RBFOX3: variants seen among roughly 807,000 people sequenced by gnomAD.
RBFOX3 encodes RNA binding protein fox-1 homolog 3.
In RBFOX3, 17 loss-of-function variants were observed where a neutral mutation model predicts 48.7. That is an observed-to-expected ratio of 0.35 (90% CI 0.24 to 0.52). The LOEUF (loss-of-function observed/expected upper bound fraction) is 0.52, where lower values mean the gene tolerates loss of function less well. Among genes scored for constraint, RBFOX3 ranks in the 20% least tolerant of loss-of-function variants. The pLI is 0.94. For synonymous variants in RBFOX3, 212 were observed against 209.5 expected (o/e 1.01, Z -0.10); for missense variants, 382 against 497.5 (o/e 0.77, Z 2.21).
At chr17:79,505,472 C>T (rs1299764307) in intron 1 of RBFOX3, among the ~76,000 whole-genome samples, 1 of 152,150 alleles carries the variant, frequency 6.6e-6, no homozygotes, top group African/African-American at 2.4e-5. Flanking sequence ...CCGCAGCAGA[C>T]CCTGGGCTGC....
rs192605414 is a variant in RBFOX3, at chr17:79,215,235, C to T, written c.-34+20531G>A. ...GCCCCAGACTGCATGCTGCCGCCCTCGTGCAGCTCTGAGCTGAGCCCAGCA... is the reference window on the plus strand; with the variant it reads ...GCCCCAGACTGCATGCTGCCGCCCTTGTGCAGCTCTGAGCTGAGCCCAGCA... On this transcript the variant is annotated intron_variant, in intron 4 of 14. Coordinates refer to ENST00000693108, the MANE Select transcript of RBFOX3 (RefSeq NM_001350451.2). Among the ~76,000 whole-genome samples the T allele has an allele frequency of 2.7e-3, 409 of 152,310 alleles. 4 individuals are homozygous for T. Among genetic ancestry groups the T allele is most frequent in the African/African-American group, 9.3e-3 (388 of 41,570 alleles).
chr17:79,366,358 C>T (rs1278205716), intron 2 of RBFOX3, among the ~76,000 whole-genome samples: 1 of 152,210 alleles, frequency 6.6e-6, no homozygotes, highest in Non-Finnish European at 1.5e-5. Flanking sequence ...CCGTGGCTGT[C>T]TCTATACTAA....
At chr17:79,306,539 C>T (rs1439818357) in intron 3 of RBFOX3, among the ~76,000 whole-genome samples, 1 of 152,230 alleles carries the variant, frequency 6.6e-6, no homozygotes. Flanking sequence ...CTAAACAATT[C>T]CTGCCGCAGC....
chr17:79,490,123 T>C (rs1285191408), intron 1 of RBFOX3, among the ~76,000 whole-genome samples: 1 of 152,238 alleles, frequency 6.6e-6, no homozygotes, highest in African/African-American at 2.4e-5. Context: ...ATCCTGTCTC[T>C]GGCAAAAATA....
At chr17:79,336,448 C>T (rs1356977976) in intron 2 of RBFOX3, among the ~76,000 whole-genome samples, 1 of 151,904 alleles carries the variant, frequency 6.6e-6, no homozygotes, top group African/African-American at 2.4e-5. Context: ...ATAAATCCCA[C>T]TGTTCCAGGT....
intron 2 of RBFOX3, among the ~76,000 whole-genome samples, chr17:79,463,712 T>TCCACCG (rs2075897446): frequency 9.4e-6 from 1 of 106,522 alleles, no homozygotes; most frequent in Non-Finnish European, 1.9e-5. Flanking sequence ...CACTGCCACC[T>TCCACCG]CCACCGCCAC....
chr17:79,093,791 C>CCCCACACACACA (rs112110060), intron 14 of RBFOX3, among the ~76,000 whole-genome samples: 9 of 143,822 alleles, frequency 6.3e-5, no homozygotes, highest in Admixed American at 2.1e-4. Flanking sequence ...CAACAGCTGG[C>CCCCACACACACA]CACACACACA....
At chr17:79,332,032 A>C (rs1006704389) in intron 2 of RBFOX3, among the ~76,000 whole-genome samples, 1 of 151,456 alleles carries the variant, frequency 6.6e-6, no homozygotes, top group African/African-American at 2.4e-5. Flanking sequence ...ACGTGTCCAG[A>C]CTCCTTGGGG....
chr17:79,454,758 C>A (rs940583167), intron 2 of RBFOX3, among the ~76,000 whole-genome samples: 6 of 152,208 alleles, frequency 3.9e-5, no homozygotes, highest in African/African-American at 1.4e-4. Flanking sequence ...GTGGCCCACT[C>A]CAGAAGCAGC....
intron 11 of RBFOX3, 109 bp downstream of exon 11, chr17:79,097,183 C>G (rs932197033): frequency 1.2e-5 from 11 of 891,536 alleles, no homozygotes; most frequent in Middle Eastern, 3.5e-4. Flanking sequence ...TCCCCCCCCC[C>G]AGGTCTGGAA....
chr17:79,405,799 G>A (rs2063467322), intron 2 of RBFOX3, among the ~76,000 whole-genome samples: 1 of 152,242 alleles, frequency 6.6e-6, no homozygotes, highest in Non-Finnish European at 1.5e-5. Flanking sequence ...CACCTGCCAA[G>A]ATGCAGACCA....
In RBFOX3 at chr17:79,460,636, C is replaced by A. The variant is rs4789897; in HGVS notation, c.-175+21818G>T. ...GCCACAGGATGTTGAGAAGTGGGGC[C>A]TAACAAAGGTAATGAGGTCATGAGA... On this transcript the variant is annotated intron_variant, in intron 2 of 14. Coordinates refer to ENST00000693108, the MANE Select transcript of RBFOX3 (RefSeq NM_001350451.2). Among the ~76,000 whole-genome samples the A allele has an allele frequency of 7.1e-3, 1,082 of 152,288 alleles. 50 individuals carry two copies. The highest frequency in any genetic ancestry group is 0.061 in the Admixed American group (940 of 15,300).
At chr17:79,571,379 G>A (rs1030750649) in intron 1 of RBFOX3, among the ~76,000 whole-genome samples, 5 of 152,110 alleles carry the variant, frequency 3.3e-5, no homozygotes, top group Admixed American at 6.5e-5. Flanking sequence ...GACAGGCTAC[G>A]GCCAGGCCTC....
At chr17:79,350,803 T>A (rs2083782353) in intron 2 of RBFOX3, among the ~76,000 whole-genome samples, 1 of 152,184 alleles carries the variant, frequency 6.6e-6, no homozygotes, top group African/African-American at 2.4e-5. Flanking sequence ...TGAGCTGGCA[T>A]GAATTGCGGG....
chr17:79,386,352 T>G (rs138276329), intron 2 of RBFOX3, among the ~76,000 whole-genome samples: 253 of 152,038 alleles, frequency 1.7e-3, no homozygotes, highest in Non-Finnish European at 2.4e-3. Flanking sequence ...AGATGAAGGC[T>G]CCACGATTTC....
chr17:79,122,509 CA>C (rs2036024931), intron 4 of RBFOX3, among the ~76,000 whole-genome samples: 1 of 152,190 alleles, frequency 6.6e-6, no homozygotes, highest in South Asian at 2.1e-4. Context: ...ACTGAGATAT[CA>C]TCTCACCCCA....
At chr17:79,587,721 G>A (rs926741092) in intron 1 of RBFOX3, among the ~76,000 whole-genome samples, 43 of 152,320 alleles carry the variant, frequency 2.8e-4, no homozygotes, top group African/African-American at 9.4e-4. Context: ...ATGTAACCAG[G>A]GAATCACAGG....
At chr17:79,354,446 G>C (rs2084571004) in intron 2 of RBFOX3, among the ~76,000 whole-genome samples, 1 of 152,254 alleles carries the variant, frequency 6.6e-6, no homozygotes, top group Non-Finnish European at 1.5e-5. Context: ...GCCTGGAGCA[G>C]GAGAGTGAGG....
chr17:79,224,090 C>T (rs776226122), intron 4 of RBFOX3, among the ~76,000 whole-genome samples: 3 of 152,186 alleles, frequency 2.0e-5, no homozygotes, highest in Non-Finnish European at 2.9e-5. Flanking sequence ...ATTCTTCTTT[C>T]CCAAACAGTA....
Sources: gnomAD v4.1 joint callset for allele counts (sites outside exome capture counted in the v4.1 genomes callset) on GRCh38, gnomAD v4.1.1 for gene constraint, MANE v1.5 for transcripts, NCBI Gene and HGNC (gene_info 2026-07-23, HGNC 2026-07-21) for gene names.